CACNA1C: variants seen among roughly 807,000 people sequenced by gnomAD.
CACNA1C encodes calcium voltage-gated channel subunit alpha1 C.
Under a neutral mutation model 229.0 loss-of-function variants are expected in CACNA1C, and 30 were observed. The observed-to-expected ratio is 0.13, with a 90% CI of 0.10 to 0.18. The LOEUF (loss-of-function observed/expected upper bound fraction) is 0.18. Among genes scored for constraint, CACNA1C ranks in the 10% least tolerant of loss-of-function variants. The pLI is 1.00. For missense variants in CACNA1C, 1,658 were observed against 2,845.0 expected (o/e 0.58, Z 9.49); for synonymous variants, 1,114 against 1,132.5 (o/e 0.98, Z 0.33).
intron 1 of CACNA1C, among the ~76,000 whole-genome samples, chr12:1,996,521 AG>A (rs962388830): frequency 5.4e-5 from 8 of 149,518 alleles, no homozygotes; most frequent in Non-Finnish European, 7.4e-5. Context: ...TCTATAAAGC[AG>A]GGGTGTCCAA....
chr12:2,416,288 C>T (rs1002015603), intron 3 of CACNA1C, among the ~76,000 whole-genome samples: 7 of 151,932 alleles, frequency 4.6e-5, no homozygotes, highest in Non-Finnish European at 7.4e-5. Flanking sequence ...ATTTCGTGGG[C>T]CTGGAAAGTA....
At chr12:2,362,164 G>A (rs970116354) in intron 3 of CACNA1C, among the ~76,000 whole-genome samples, 15 of 152,142 alleles carry the variant, frequency 9.9e-5, no homozygotes, top group African/African-American at 1.9e-4. Context: ...TGTGCTATGC[G>A]CTGGGGACAT....
In CACNA1C at chr12:2,506,891, C is replaced by T. The variant is rs1347713651; in HGVS notation, c.1217+1946C>T. On this transcript the variant is annotated intron_variant, in intron 8 of 46. Transcript: ENST00000399655. ...AAGAGCCTGAAGTGGAGAATGAGGG[C>T]TGGGCCCTGAGGGTCCTCCCTGAGC... Among the ~76,000 whole-genome samples the T allele has an allele frequency of 2.6e-5, 4 of 152,252 alleles. No individual in the cohort carries two copies. In the East Asian group the frequency reaches 7.7e-4, roughly 29 times the overall value.
chr12:2,494,230 G>A (rs73046231), intron 7 of CACNA1C, among the ~76,000 whole-genome samples: 3,227 of 152,208 alleles, frequency 0.021, 45 homozygotes, highest in Middle Eastern at 0.041. Flanking sequence ...TTATTACCCA[G>A]TAGCCAACAC....
chr12:2,336,597 G>A (rs1036751641), intron 3 of CACNA1C, among the ~76,000 whole-genome samples: 1 of 152,182 alleles, frequency 6.6e-6, no homozygotes, highest in African/African-American at 2.4e-5. Context: ...AGTGAAACAC[G>A]CAAATGAAAA....
intron 3 of CACNA1C, among the ~76,000 whole-genome samples, chr12:2,238,607 C>A (rs2068474725): frequency 6.6e-6 from 1 of 152,224 alleles, no homozygotes; most frequent in Non-Finnish European, 1.5e-5. Flanking sequence ...GGCTTTGGAA[C>A]TGACCTACCA....
chr12:2,355,193 A>G (rs112604040), intron 3 of CACNA1C, among the ~76,000 whole-genome samples: 2,245 of 152,288 alleles, frequency 0.015, 46 homozygotes, highest in African/African-American at 0.051. Context: ...TTAAGCTTTC[A>G]CTTAAGACCA....
intron 15 of CACNA1C, among the ~76,000 whole-genome samples, chr12:2,583,148 C>T (rs2061164407): frequency 6.6e-6 from 1 of 152,230 alleles, no homozygotes; most frequent in African/African-American, 2.4e-5. Flanking sequence ...CCTCCGGGCC[C>T]GCAGCGGCGC....
At chr12:2,606,170 C>A (rs147662055) in intron 24 of CACNA1C, among the ~76,000 whole-genome samples, 88 of 152,338 alleles carry the variant, frequency 5.8e-4, no homozygotes, top group African/African-American at 1.9e-3. Flanking sequence ...GAGCCCTGCA[C>A]CTGTCAAAGT....
intron 1 of CACNA1C, among the ~76,000 whole-genome samples, chr12:2,096,809 A>C (rs1411681869): frequency 6.6e-6 from 1 of 152,178 alleles, no homozygotes; most frequent in Non-Finnish European, 1.5e-5. Flanking sequence ...TAGGTACCTC[A>C]TATAAGTAGA....
At position 2,595,161 on chromosome 12, in the gene CACNA1C, G is replaced by A. The variant is rs1437699801; in HGVS notation, c.2664-713G>A. Among the ~76,000 whole-genome samples the A allele has an allele frequency of 2.0e-5, 3 of 152,174 alleles. No homozygotes were observed. The highest frequency in any genetic ancestry group is 7.2e-5 in the African/African-American group (3 of 41,446). On this transcript the variant is annotated intron_variant, in intron 19 of 46. Coordinates refer to ENST00000399655, the MANE Select transcript of CACNA1C (RefSeq NM_000719.7). The surrounding 1 kb of genome is among the most constrained non-coding windows in gnomAD (Gnocchi z 4.1). Reference sequence around the variant, plus strand: ...AGCATTTAGTCAACCATAATGCCAGGAGCAGAAGTCTGAAGGCCTGGGTTG... The same window carrying A: ...AGCATTTAGTCAACCATAATGCCAGAAGCAGAAGTCTGAAGGCCTGGGTTG...
chr12:2,114,320 G>C (rs1457615668), intron 1 of CACNA1C, among the ~76,000 whole-genome samples: 1 of 152,152 alleles, frequency 6.6e-6, no homozygotes, highest in East Asian at 1.9e-4. Context: ...GCTGCCTTGT[G>C]TGGGGGCTGG....
intron 30 of CACNA1C, chr12:2,641,632 G>A (rs1225937306): frequency 6.0e-6 from 4 of 668,472 alleles, no homozygotes; most frequent in Non-Finnish European, 1.1e-5. Context: ...GTTTCAAAAT[G>A]AAGTGATTCC....
rs1183185628 is a variant in CACNA1C at position 2,591,810 on chromosome 12, C to T, written c.2531-1403C>T. Among the ~76,000 whole-genome samples, 6 of 152,052 alleles carry T rather than the reference C, an allele frequency of 3.9e-5. No homozygotes were observed. In the East Asian group the frequency reaches 1.2e-3, roughly 29 times the overall value. On this transcript the variant is annotated intron_variant, in intron 18 of 46. Transcript: ENST00000399655. ...TCAAGGGGTCTGCAGGGCCAAGCGC[C>T]TTCTGAAAGGCTCTTGGGAAGAATC...
intron 5 of CACNA1C, among the ~76,000 whole-genome samples, chr12:2,468,618 T>A (rs142122133): frequency 5.3e-4 from 80 of 152,374 alleles, no homozygotes; most frequent in Middle Eastern, 6.8e-3. Flanking sequence ...TAGGGCGCCC[T>A]GCCTGGCTCT....
In CACNA1C at chr12:2,577,110, C is replaced by T. The variant is rs555325815; in HGVS notation, c.1896-4480C>T. ...GAAAGGACAGGTGGCAGGCCTGCCT[C>T]GGGCCCAACCCCATCTTTCTCTCTG... is the stretch of plus-strand genomic sequence containing the variant. On this transcript the variant is annotated intron_variant, in intron 13 of 46. Transcript: ENST00000399655. Among the ~76,000 whole-genome samples the T allele has an allele frequency of 5.1e-4, 77 of 152,280 alleles. 2 individuals carry two copies. In the South Asian group the frequency reaches 7.9e-3, roughly 16 times the overall value.
chr12:2,468,332 T>G (rs537606861), intron 5 of CACNA1C, among the ~76,000 whole-genome samples: 1 of 152,326 alleles, frequency 6.6e-6, no homozygotes, highest in East Asian at 1.9e-4. Flanking sequence ...GAACAAAATG[T>G]AGGAGGCAGT....
At chr12:2,508,970 T>C (rs145811299) in intron 8 of CACNA1C, among the ~76,000 whole-genome samples, 5 of 152,268 alleles carry the variant, frequency 3.3e-5, no homozygotes, top group African/African-American at 9.6e-5. Flanking sequence ...ATTCTTGAAA[T>C]TGCACTTGAA....
intron 3 of CACNA1C, among the ~76,000 whole-genome samples, chr12:2,260,082 A>G (rs774839360): frequency 6.6e-6 from 1 of 152,206 alleles, no homozygotes; most frequent in African/African-American, 2.4e-5. Context: ...GTCCCAAACC[A>G]TCAGAAGGAA....
Sources: allele counts gnomAD v4.1 joint callset (sites outside exome capture counted in the v4.1 genomes callset), GRCh38; gene constraint gnomAD v4.1.1; non-coding constraint Gnocchi (gnomAD v3.1); transcripts MANE v1.5; gene names NCBI Gene and HGNC (gene_info 2026-07-23, HGNC 2026-07-21).